The following ENPP3 variants were observed in gnomAD, a reference collection of about 807,000 sequenced individuals.
ENPP3 encodes ectonucleotide pyrophosphatase/phosphodiesterase family member 3.
ENPP3 carries 104 observed loss-of-function variants against 117.8 expected under a neutral mutation model. That is an observed-to-expected ratio of 0.88 (90% confidence interval 0.75 to 1.04). ENPP3 has a LOEUF of 1.04. ENPP3 is among the 50% of genes least tolerant of loss of function. The pLI is 0.00. For synonymous variants in ENPP3, 380 were observed against 349.9 expected, an observed-to-expected ratio of 1.09 and a Z score of -0.96; for missense variants, 1,026 against 1,051.9, an observed-to-expected ratio of 0.98 and a Z score of 0.34.
chr6:131,729,110 A>G (rs979148530), intron 20 of ENPP3, among the ~76,000 whole-genome samples: 1 of 150,982 alleles, frequency 6.6e-6, no homozygotes, highest in African/African-American at 2.4e-5. Flanking sequence ...ATGTCTATCT[A>G]TCTGTCAATC....
At chr6:131,701,894 A>AAAG (rs1554265442) in intron 15 of ENPP3, among the ~76,000 whole-genome samples, 31 of 119,006 alleles carry the variant, frequency 2.6e-4, no homozygotes, top group Admixed American at 1.1e-3. Context: ...GAAAAAAAAA[A>AAAG]AAAAGAAAAG....
At chr6:131,654,722 C>T (rs1450995542) in intron 5 of ENPP3, among the ~76,000 whole-genome samples, 1 of 151,646 alleles carries the variant, frequency 6.6e-6, no homozygotes, top group East Asian at 1.9e-4. Flanking sequence ...GGATTACAGG[C>T]AAGACCTGCT....
At chr6:131,637,641 G>A (rs777556565) in intron 1 of ENPP3, among the ~76,000 whole-genome samples, 179 bp downstream of exon 1, 4 of 152,126 alleles carry the variant, frequency 2.6e-5, no homozygotes, top group Non-Finnish European at 5.9e-5. Context: ...TATTTTACAC[G>A]TAAGAAATTT....
At chr6:131,741,515 GGT>G (rs1363482803) in intron 24 of ENPP3, among the ~76,000 whole-genome samples, 1 of 152,164 alleles carries the variant, frequency 6.6e-6, no homozygotes, top group Non-Finnish European at 1.5e-5. Flanking sequence ...CATAAAATAA[GGT>G]GTAAGTAGGG....
At chr6:131,710,996 G>T (rs755181349) in intron 15 of ENPP3, 1 of 1,584,664 alleles carries the variant, frequency 6.3e-7, no homozygotes, top group Non-Finnish European at 8.5e-7. Flanking sequence ...TAGGGCTGAG[G>T]GGTAGCACCA....
At chr6:131,654,301 A>C (rs868110124) in intron 5 of ENPP3, among the ~76,000 whole-genome samples, 1 of 150,558 alleles carries the variant, frequency 6.6e-6, no homozygotes, top group African/African-American at 2.5e-5. Flanking sequence ...ATGCAGCTAA[A>C]CATTTTTTTG....
intron 15 of ENPP3, among the ~76,000 whole-genome samples, chr6:131,697,212 A>G (rs1185787162): frequency 1.3e-5 from 2 of 152,222 alleles, no homozygotes; most frequent in Non-Finnish European, 2.9e-5. Context: ...CATCATGTGT[A>G]CAAAGGACCT....
At chr6:131,654,881 G>C (rs1162007349) in intron 5 of ENPP3, among the ~76,000 whole-genome samples, 1 of 152,130 alleles carries the variant, frequency 6.6e-6, no homozygotes, top group Non-Finnish European at 1.5e-5. Context: ...AAGAGTAAAG[G>C]ATTAGAATAA....
At chr6:131,681,743 T>C (rs918298971) in intron 11 of ENPP3, among the ~76,000 whole-genome samples, 2 of 152,208 alleles carry the variant, frequency 1.3e-5, no homozygotes, top group South Asian at 2.1e-4. Flanking sequence ...ATGCTAAATA[T>C]ATTTCAAAAC....
chr6:131,722,643 A>G (rs1780061209), intron 18 of ENPP3, among the ~76,000 whole-genome samples: 1 of 152,204 alleles, frequency 6.6e-6, no homozygotes. Flanking sequence ...GTAATTGTTA[A>G]TGTCATTATA....
chr6:131,718,882 C>T (rs1321655965), intron 16 of ENPP3, 144 bp downstream of exon 16: 2 of 507,420 alleles, frequency 3.9e-6, no homozygotes, highest in African/African-American at 3.9e-5. Flanking sequence ...AGCCTAGTTA[C>T]TGCTTTTTTA....
At chr6:131,719,724 A>G (rs1197431596) in intron 16 of ENPP3, among the ~76,000 whole-genome samples, 1 of 152,154 alleles carries the variant, frequency 6.6e-6, no homozygotes, top group Non-Finnish European at 1.5e-5. Context: ...TTAAGTCTAA[A>G]ATAATTTGAT....
chr6:131,672,173 C>T (rs1778758334), intron 7 of ENPP3, among the ~76,000 whole-genome samples: 1 of 152,084 alleles, frequency 6.6e-6, no homozygotes, highest in South Asian at 2.1e-4. Flanking sequence ...GTTGAGTTGC[C>T]CAATGCTTAT....
At chr6:131,644,057 T>C (rs1423088143) in intron 2 of ENPP3, among the ~76,000 whole-genome samples, 2 of 151,866 alleles carry the variant, frequency 1.3e-5, no homozygotes, top group African/African-American at 4.8e-5. Context: ...AGAAGGACTA[T>C]CAAGTGCAAA....
At chr6:131,736,110 C>T (rs1452237842) in intron 21 of ENPP3, among the ~76,000 whole-genome samples, 1 of 152,224 alleles carries the variant, frequency 6.6e-6, no homozygotes, top group Admixed American at 6.5e-5. Flanking sequence ...CAGCACTTTG[C>T]CCGAGGAGTG....
chr6:131,694,764 G>A (rs1309816497), intron 15 of ENPP3, among the ~76,000 whole-genome samples: 2 of 151,618 alleles, frequency 1.3e-5, no homozygotes, highest in Non-Finnish European at 2.9e-5. Flanking sequence ...AACCCGGGAG[G>A]CGGAGGTTGC....
At chr6:131,662,701 AT>A (rs1288574861) in intron 6 of ENPP3, among the ~76,000 whole-genome samples, 2 of 151,788 alleles carry the variant, frequency 1.3e-5, no homozygotes, top group Admixed American at 6.6e-5. Context: ...TATGAATTTA[AT>A]TTTTTTTCTA....
chr6:131,713,387 A>G (rs912594489), intron 15 of ENPP3, among the ~76,000 whole-genome samples: 1 of 150,588 alleles, frequency 6.6e-6, no homozygotes, highest in Non-Finnish European at 1.5e-5. Flanking sequence ...TGAATCTGAC[A>G]CAAGCTATTT....
At chr6:131,709,778 C>A in intron 15 of ENPP3, 1 of 1,613,820 alleles carries the variant, frequency 6.2e-7, no homozygotes, top group Non-Finnish European at 8.5e-7. Flanking sequence ...GAAAGCTTCT[C>A]TTCTTCCTCT....
Sources: allele counts gnomAD v4.1 joint callset (sites outside exome capture counted in the v4.1 genomes callset), GRCh38; gene constraint gnomAD v4.1.1; transcripts MANE v1.5; gene names NCBI Gene and HGNC (gene_info 2026-07-23, HGNC 2026-07-21).